The following IMMP2L variants were observed in gnomAD, a reference collection of about 807,000 sequenced individuals.
IMMP2L encodes mitochondrial inner membrane protease subunit 2.
In IMMP2L, 18 loss-of-function variants were observed where a neutral mutation model predicts 19.3. The observed-to-expected ratio is 0.93, with a 90% confidence interval of 0.64 to 1.38. The LOEUF (loss-of-function observed/expected upper bound fraction) is 1.38. Among genes scored for constraint, IMMP2L ranks in the 40% most tolerant of loss-of-function variants. The pLI is 0.00. For synonymous variants in IMMP2L, 76 were observed against 73.0 expected (o/e 1.04, Z -0.21); for missense variants, 233 against 218.2 (o/e 1.07, Z -0.43).
intron 3 of IMMP2L, among the ~76,000 whole-genome samples, chr7:111,073,461 G>C (rs942940992): frequency 2.0e-5 from 3 of 152,130 alleles, no homozygotes; most frequent in African/African-American, 7.2e-5. Flanking sequence ...TAGTATCCCT[G>C]AGATAGTTTT....
At chr7:111,177,761 T>C (rs1463203696) in intron 3 of IMMP2L, among the ~76,000 whole-genome samples, 2 of 152,162 alleles carry the variant, frequency 1.3e-5, no homozygotes, top group African/African-American at 2.4e-5. Flanking sequence ...GTTGGGTACA[T>C]GTGACATTTC....
Position 111,368,633 on chromosome 7 carries a change from C to CA in IMMP2L, c.239+118604dup, listed in dbSNP as rs372427512. On this transcript the variant is annotated intron_variant, in intron 3 of 5. Coordinates refer to ENST00000405709, the MANE Select transcript of IMMP2L (RefSeq NM_032549.4). ...TCAATCCTGTGAGCTTTTCCCATCC[C>CA]AGATACCAGATATGTCTAACAAACT... Among the ~76,000 whole-genome samples, 638 of 152,020 alleles carry CA rather than the reference C, an allele frequency of 4.2e-3. 5 individuals carry two copies. Among genetic ancestry groups the CA allele is most frequent in the African/African-American group, 0.015 (612 of 41,518 alleles).
chr7:111,546,939 A>C (rs1848981965), intron 1 of IMMP2L, among the ~76,000 whole-genome samples: 1 of 152,186 alleles, frequency 6.6e-6, no homozygotes, highest in South Asian at 2.1e-4. Context: ...ATTGTCTATA[A>C]ATTAGTCTCA....
At chr7:111,095,204 G>T (rs1412732835) in intron 3 of IMMP2L, among the ~76,000 whole-genome samples, 1 of 151,972 alleles carries the variant, frequency 6.6e-6, no homozygotes, top group Non-Finnish European at 1.5e-5. Context: ...GACATTAGTA[G>T]CTAGTCTAAT....
chr7:111,001,672 G>C (rs1043862464), intron 3 of IMMP2L, among the ~76,000 whole-genome samples: 5 of 152,126 alleles, frequency 3.3e-5, no homozygotes, highest in African/African-American at 1.2e-4. Flanking sequence ...GCTAAAACAT[G>C]ATTAATATGA....
chr7:111,545,746 A>G (rs1848872791), intron 1 of IMMP2L, among the ~76,000 whole-genome samples: 1 of 152,142 alleles, frequency 6.6e-6, no homozygotes, highest in Admixed American at 6.5e-5. Context: ...AGTTGGCTAT[A>G]TGTAATGCAG....
chr7:110,861,903 T>C (rs1807468527), intron 5 of IMMP2L, among the ~76,000 whole-genome samples: 1 of 152,094 alleles, frequency 6.6e-6, no homozygotes, highest in South Asian at 2.1e-4. Context: ...CTAAAGCAGA[T>C]TCAGAAAATA....
At chr7:111,035,261 G>T (rs1791219363) in intron 3 of IMMP2L, among the ~76,000 whole-genome samples, 1 of 152,056 alleles carries the variant, frequency 6.6e-6, no homozygotes, top group African/African-American at 2.4e-5. Flanking sequence ...GACAATGACA[G>T]AAATAAAAAG....
rs920217612 is a variant in IMMP2L at position 111,437,557 on chromosome 7, G to A, written c.239+49681C>T. Among the ~76,000 whole-genome samples, 11 of 151,856 alleles carry A rather than the reference G, an allele frequency of 7.2e-5. No individual in the cohort carries two copies. The South Asian group carries it at 8.3e-4, about 11-fold the overall frequency. On this transcript the variant is annotated intron_variant, in intron 3 of 5. Coordinates refer to ENST00000405709, the MANE Select transcript of IMMP2L (RefSeq NM_032549.4). ...AGCAACAAAACGCAAAAACGATAAC[G>A]TCTAGAAATATATGTAAAATAATTT...
chr7:111,296,384 G>A (rs1034886502), intron 3 of IMMP2L, among the ~76,000 whole-genome samples: 30 of 151,770 alleles, frequency 2.0e-4, no homozygotes, highest in African/African-American at 6.5e-4. Flanking sequence ...CAGACATTTC[G>A]CCAGAGAGGA....
Position 111,559,410 on chromosome 7 carries a change from C to G in IMMP2L, c.-3+2441G>C, listed in dbSNP as rs144264702. On this transcript the variant is annotated intron_variant, in intron 1 of 5. Coordinates refer to ENST00000405709, the MANE Select transcript of IMMP2L (RefSeq NM_032549.4). ...CTAAGTTTAAGTACTCAGCTAAATA[C>G]AGTAATATGTCTTTCTCACTTTAAG... Among the ~76,000 whole-genome samples the G allele has an allele frequency of 1.8e-3, 272 of 152,252 alleles. 2 individuals are homozygous for G. Among genetic ancestry groups the G allele is most frequent in the African/African-American group, 6.2e-3 (258 of 41,562 alleles).
In IMMP2L at chr7:110,724,867, C is replaced by T. The variant is rs1298564631; in HGVS notation, c.409-61146G>A. Among the ~76,000 whole-genome samples, 4 of 152,236 alleles carry T rather than the reference C, an allele frequency of 2.6e-5. No individual in the cohort carries two copies. In the East Asian group the frequency reaches 7.7e-4, roughly 29 times the overall value. On this transcript the variant is annotated intron_variant, in intron 5 of 5. Transcript: ENST00000405709. The stretch of plus-strand genomic sequence containing the variant: ...TCACTGCTATTAAGGGTATCATACA[C>T]CTGTGAGTGGCGTATCAAGAATTGG...
chr7:110,992,169 G>A (rs1822547782), intron 3 of IMMP2L, among the ~76,000 whole-genome samples: 1 of 151,942 alleles, frequency 6.6e-6, no homozygotes. Context: ...ATCTTGTAGT[G>A]CTCTACATTT....
chr7:111,447,086 G>A (rs1027722451), intron 3 of IMMP2L, among the ~76,000 whole-genome samples: 1 of 144,260 alleles, frequency 6.9e-6, no homozygotes, highest in East Asian at 2.0e-4. Context: ...TCTGATTGGT[G>A]TACCTGAAAG....
At chr7:111,561,178 C>A (rs1027326488) in intron 1 of IMMP2L, among the ~76,000 whole-genome samples, 1 of 152,154 alleles carries the variant, frequency 6.6e-6, no homozygotes, top group Non-Finnish European at 1.5e-5. Context: ...ATAGACCACA[C>A]TGAAAATCAC....
At chr7:111,198,702 G>T (rs1450092888) in intron 3 of IMMP2L, among the ~76,000 whole-genome samples, 1 of 152,094 alleles carries the variant, frequency 6.6e-6, no homozygotes, top group Admixed American at 6.6e-5. Context: ...TTTTGCAAAT[G>T]CTACTTCCTT....
chr7:110,829,909 T>A (rs924091999), intron 5 of IMMP2L, among the ~76,000 whole-genome samples: 2 of 152,060 alleles, frequency 1.3e-5, no homozygotes, highest in East Asian at 1.9e-4. Flanking sequence ...CAAAGAGATT[T>A]GAGAGAGAAG....
In IMMP2L at chr7:110,877,532, G is replaced by A. The variant is rs1809200555; in HGVS notation, c.408+9061C>T. Among the ~76,000 whole-genome samples the A allele has an allele frequency of 6.6e-6, 1 of 152,072 alleles. No homozygotes were observed. Among genetic ancestry groups the A allele is most frequent in the South Asian group, 2.1e-4 (1 of 4,820 alleles). On this transcript the variant is annotated intron_variant, in intron 5 of 5. Transcript: ENST00000405709. The surrounding 1 kb of genome is among the most constrained non-coding windows in gnomAD (Gnocchi z 4.0). ...AAAATACAAAAATGCAAAACCAAAT[G>A]GTGAATTTATGGAATGATCAAGGCA... is the stretch of plus-strand genomic sequence containing the variant.
At chr7:110,925,911 T>C (rs1814797726) in intron 4 of IMMP2L, among the ~76,000 whole-genome samples, 1 of 152,072 alleles carries the variant, frequency 6.6e-6, no homozygotes, top group Admixed American at 6.6e-5. Context: ...ACACATAGTA[T>C]AAGACCTAAT....
Sources: allele counts gnomAD v4.1 joint callset (sites outside exome capture counted in the v4.1 genomes callset), GRCh38; gene constraint gnomAD v4.1.1; non-coding constraint Gnocchi (gnomAD v3.1); transcripts MANE v1.5; gene names NCBI Gene and HGNC (gene_info 2026-07-23, HGNC 2026-07-21).